GOLGA3: variants seen among roughly 807,000 people sequenced by gnomAD.
The protein encoded by GOLGA3 is golgin A3.
In GOLGA3, 75 loss-of-function variants were observed where a neutral mutation model predicts 169.4. The ratio of observed to expected loss-of-function variants is 0.44; its 90% CI spans 0.37 to 0.54. GOLGA3 has a LOEUF of 0.54. Ranked by LOEUF, GOLGA3 falls within the 20% of genes least tolerant of loss-of-function variation. GOLGA3 has a pLI of 0.00. For missense variants in GOLGA3, 1,899 were observed against 1,930.0 expected (o/e 0.98, Z 0.30); for synonymous variants, 824 against 822.4 (o/e 1.00, Z -0.03).
intron 18 of GOLGA3, among the ~76,000 whole-genome samples, chr12:132,778,251 G>A (rs1363708593): frequency 2.0e-5 from 3 of 146,416 alleles, no homozygotes; most frequent in African/African-American, 7.6e-5. Context: ...CACTCCAGCT[G>A]GGGTGACAGA....
At chr12:132,815,294 T>C (rs746289870) in intron 3 of GOLGA3, among the ~76,000 whole-genome samples, 65 of 152,258 alleles carry the variant, frequency 4.3e-4, no homozygotes, top group Non-Finnish European at 6.3e-4. Context: ...ACGCAGGAGA[T>C]AGGCTCAGGG....
chr12:132,789,312 A>T (rs972172374), intron 12 of GOLGA3, 22 bp from the exon 13 acceptor site: 3 of 1,552,688 alleles, frequency 1.9e-6, no homozygotes, highest in Non-Finnish European at 1.7e-6. Context: ...AGAGGCTGTG[A>T]GCGGACGCTG....
rs138779321 is a variant in GOLGA3, at chr12:132,809,967, G to A, written c.520-1418C>T. On this transcript the variant is annotated intron_variant, in intron 4 of 23. Coordinates refer to ENST00000450791, the MANE Select transcript of GOLGA3 (RefSeq NM_001389683.1). ...AAACATAGAAATTTTCTTCAAGGCC[G>A]GGCGTGGTGGTTCACACCTGTAATC... Among the ~76,000 whole-genome samples the A allele has an allele frequency of 1.1e-3, 167 of 152,138 alleles. 2 individuals carry two copies. The East Asian group carries it at 0.023, about 21-fold the overall frequency.
intron 2 of GOLGA3, among the ~76,000 whole-genome samples, chr12:132,817,113 CT>C (rs1949993108): frequency 6.6e-6 from 1 of 150,694 alleles, no homozygotes. Flanking sequence ...CTAACGTGAA[CT>C]CACCCTCCAC....
intron 2 of GOLGA3, among the ~76,000 whole-genome samples, chr12:132,818,831 G>A (rs1950096087): frequency 6.6e-6 from 1 of 152,016 alleles, no homozygotes; most frequent in Non-Finnish European, 1.5e-5. Flanking sequence ...CCAGAACCGC[G>A]CTTCTGCTTG....
Position 132,782,303 on chromosome 12 carries a change from T to G in GOLGA3, c.3458A>C (p.Asn1153Thr). ...TTTGACGAGTTTGAATACCTGAAGGTTCAACTGGACTAGGTCTGCCTCCCT... is the reference window on the plus strand; with the variant it reads ...TTTGACGAGTTTGAATACCTGAAGGGTCAACTGGACTAGGTCTGCCTCCCT... Reference protein sequence around the residue: ...AKREADLVQLNLQVQAVLQRK... With the variant: ...AKREADLVQLTLQVQAVLQRK... Residue 1153 changes from asparagine (N) to threonine (T), a missense_variant, in exon 17 of 24, where the codon AAC becomes ACC. Coordinates refer to ENST00000450791, the MANE Select transcript of GOLGA3 (RefSeq NM_001389683.1). 1 of 1,613,596 alleles carries G rather than the reference T, an allele frequency of 6.2e-7. No homozygotes were observed. Among genetic ancestry groups the G allele is most frequent in the Non-Finnish European group, 8.5e-7 (1 of 1,179,644 alleles).
At chr12:132,790,212 T>C (rs1001119634) in intron 12 of GOLGA3, among the ~76,000 whole-genome samples, 3 of 152,056 alleles carry the variant, frequency 2.0e-5, no homozygotes, top group African/African-American at 4.8e-5. Flanking sequence ...CCGGTGCCTG[T>C]AGTCCCAGCT....
rs1226577512 is a variant in GOLGA3 at position 132,770,605 on chromosome 12, T to C, written c.*2500A>G. On this transcript the variant is annotated 3_prime_UTR_variant, in exon 24 of 24. Transcript: ENST00000450791. Reference sequence around the variant, plus strand: ...CAAGGAGAAGTCGCTCCCCACTGAATGTGTGATTTCTCGATTTTAGATTTT... The same window carrying C: ...CAAGGAGAAGTCGCTCCCCACTGAACGTGTGATTTCTCGATTTTAGATTTT... 2 of 152,172 alleles carry C rather than the reference T, an allele frequency of 1.3e-5. No homozygotes were observed. The highest frequency in any genetic ancestry group is 2.4e-5 in the African/African-American group (1 of 41,446). 9.4% of individuals were successfully genotyped at this position (152,172 alleles called of 1,614,324 possible).
intron 4 of GOLGA3, 64 bp downstream of exon 4, chr12:132,813,243 G>C: frequency 9.0e-7 from 1 of 1,105,878 alleles, no homozygotes; most frequent in East Asian, 2.4e-5. Context: ...GGGTTATGTG[G>C]GACCAACAGT....
chr12:132,775,255 C>T lies in GOLGA3; in HGVS notation c.4029G>A (p.Gln1343=). Residue 1343 remains glutamine (Q), a synonymous_variant, in exon 22 of 24, where the codon CAG becomes CAA. Coordinates refer to ENST00000450791, the MANE Select transcript of GOLGA3 (RefSeq NM_001389683.1). ...EMAQEDLSMT[Q]KDKFMLQAKV... is the part of the protein sequence containing the mutation. ...TTGCCTGGAGCATAAATTTATCCTT[C>T]TGGGTCATGGACAGGTCTTCCTGGG... is the stretch of plus-strand genomic sequence containing the variant. The T allele has an allele frequency of 6.2e-7, 1 of 1,614,106 alleles. No individual in the cohort carries two copies. Among genetic ancestry groups the T allele is most frequent in the Non-Finnish European group, 8.5e-7 (1 of 1,179,918 alleles).
intron 11 of GOLGA3, among the ~76,000 whole-genome samples, chr12:132,794,555 C>T (rs1948732114): frequency 6.6e-6 from 1 of 152,178 alleles, no homozygotes; most frequent in South Asian, 2.1e-4. Context: ...CAGCCCAACC[C>T]AGAGGTTAAC....
chr12:132,799,691 C>T (rs193113570), intron 8 of GOLGA3, among the ~76,000 whole-genome samples: 1 of 152,070 alleles, frequency 6.6e-6, no homozygotes, highest in Non-Finnish European at 1.5e-5. Flanking sequence ...TTTAAAGCTT[C>T]CTCTCTTTTT....
Position 132,771,642 on chromosome 12 carries a change from G to A in GOLGA3, c.*1463C>T, listed in dbSNP as rs2044900242. 1 of 152,104 alleles carries A rather than the reference G, an allele frequency of 6.6e-6. No homozygotes were observed. Among genetic ancestry groups the A allele is most frequent in the South Asian group, 2.1e-4 (1 of 4,824 alleles). 9.4% of individuals were successfully genotyped at this position (152,104 alleles called of 1,614,324 possible). A position where few individuals can be genotyped will look rare whatever the true frequency, so the allele number is the denominator to read the frequency against. ...AAGTCGCCTCTGCTTGCCACATGAT[G>A]CTGGTGTAACCACAAAAGATCCAGG... On this transcript the variant is annotated 3_prime_UTR_variant, in exon 24 of 24. Coordinates refer to ENST00000450791, the MANE Select transcript of GOLGA3 (RefSeq NM_001389683.1).
chr12:132,794,301 C>G (rs1291400691), intron 11 of GOLGA3, among the ~76,000 whole-genome samples: 1 of 150,946 alleles, frequency 6.6e-6, no homozygotes, highest in Non-Finnish European at 1.5e-5. Context: ...TTGAGACCAG[C>G]CTGGGCAACA....
In GOLGA3 at chr12:132,791,224, G is replaced by A; in HGVS notation, c.2539C>T (p.Gln847Ter). Residue 847 changes from glutamine to a stop codon, truncating the protein, a stop_gained, in exon 12 of 24, where the codon CAA (glutamine) becomes TAA (stop). Coordinates refer to ENST00000450791, the MANE Select transcript of GOLGA3 (RefSeq NM_001389683.1). LOFTEE classifies it high-confidence loss of function. The stretch of plus-strand genomic sequence containing the variant: ...CAACAACAGATTTTTACCTTTTGTT[G>A]GAGAAACTGTTCCTTTATTTTTTGC... ...QMQKIKEQFLQQKVMVEAYRR... is the reference protein window; with the variant it reads ...QMQKIKEQFL 6.3e-7 allele frequency: 1 copy of A among 1,587,172 alleles called. No individual in the cohort carries two copies.
intron 8 of GOLGA3, among the ~76,000 whole-genome samples, chr12:132,799,883 G>A (rs1593311498): frequency 1.3e-5 from 2 of 152,200 alleles, no homozygotes; most frequent in Non-Finnish European, 1.5e-5. Flanking sequence ...TGGGACTACA[G>A]GCACTCACCA....
At chr12:132,800,323 A>G (rs933173093) in intron 8 of GOLGA3, among the ~76,000 whole-genome samples, 1 of 152,054 alleles carries the variant, frequency 6.6e-6, no homozygotes, top group African/African-American at 2.4e-5. Context: ...GTGAAACCCC[A>G]TCTCTCCTAA....
rs780022855 is a variant in GOLGA3, at chr12:132,801,787, C to A, written c.1780G>T (p.Gly594Cys). The A allele has an allele frequency of 3.2e-5, 51 of 1,612,104 alleles. No individual in the cohort carries two copies. The highest frequency in any genetic ancestry group is 4.2e-5 in the Non-Finnish European group (50 of 1,180,024). ...CGTACCTGGATGTGGGCCATCTCAC[C>A]CTGCAGCCTGACGCGGGCCTCCTGT... ...LAQEARVRLQ[G>C]EMAHIQVGQM... Residue 594 changes from glycine (G) to cysteine (C), a missense_variant, in exon 8 of 24, where the codon GGT (glycine) becomes TGT (cysteine). By Grantham distance (159) the Gly-to-Cys change is radical. Transcript: ENST00000450791.
At chr12:132,825,472 G>A (rs1029404294) in intron 1 of GOLGA3, among the ~76,000 whole-genome samples, 7 of 152,204 alleles carry the variant, frequency 4.6e-5, no homozygotes, top group African/African-American at 9.6e-5. Flanking sequence ...TTAATTTGCC[G>A]AATTAAATCT....
Sources: gnomAD v4.1 joint callset for allele counts (sites outside exome capture counted in the v4.1 genomes callset) on GRCh38, gnomAD v4.1.1 for gene constraint, MANE v1.5 for transcripts, NCBI Gene and HGNC (gene_info 2026-07-23, HGNC 2026-07-21) for gene names.